The following FAM83E variants were observed in gnomAD, a reference collection of about 807,000 sequenced individuals.
FAM83E encodes the protein protein FAM83E.
In FAM83E, 29 loss-of-function variants were observed where a neutral mutation model predicts 34.3. The ratio of observed to expected loss-of-function variants is 0.85; its 90% confidence interval spans 0.63 to 1.15. FAM83E has a LOEUF of 1.15. Among genes scored for constraint, FAM83E ranks in the 50% most tolerant of loss-of-function variants. The pLI is 0.00. For missense variants in FAM83E, 697 were observed against 685.0 expected, an observed-to-expected ratio of 1.02 and a Z score of -0.20; for synonymous variants, 312 against 311.6, an observed-to-expected ratio of 1.00 and a Z score of -0.01.
At chr19:48,610,562 G>A in intron 4 of FAM83E, 118 bp downstream of exon 4, 1 of 1,248,498 alleles carries the variant, frequency 8.0e-7, no homozygotes, top group Non-Finnish European at 1.1e-6. Flanking sequence ...TCAGATCCCA[G>A]GGGACCATCC....
intron 5 of FAM83E, chr19:48,607,594 A>C: frequency 1.8e-6 from 1 of 551,408 alleles, no homozygotes; most frequent in African/African-American, 1.9e-5. Flanking sequence ...ACTGGTTCTA[A>C]GACGCAGAGC....
chr19:48,613,166 C>A lies in FAM83E; in HGVS notation c.207G>T (p.Ala69=). Residue 69 remains alanine, a synonymous_variant, in exon 3 of 7, where the codon GCG becomes GCT. Coordinates refer to ENST00000263266, the MANE Select transcript of FAM83E (RefSeq NM_017708.4). ...TGGCCACTGTCCAGTCTTCAGCTGC[C>A]GCTGCCAAGCCCTGAACCTCATCCG... ...LSADEVQGLA[A]AAEDWTVAKQ... The A allele has an allele frequency of 1.2e-6, 2 of 1,612,208 alleles. No individual in the cohort carries two copies. The highest frequency in any genetic ancestry group is 1.7e-6 in the Non-Finnish European group (2 of 1,179,918).
rs1973798657 is a variant in FAM83E, at chr19:48,600,906, G to T, written c.*203C>A. 3 of 1,178,740 alleles carry T rather than the reference G, an allele frequency of 2.5e-6. No homozygotes were observed. The highest frequency in any genetic ancestry group is 3.3e-6 in the Non-Finnish European group (3 of 900,026). The allele number at this position is 1,178,740 out of a possible 1,614,324, so 73.0% of individuals were successfully genotyped here. A position where few individuals can be genotyped will look rare whatever the true frequency, so the allele number is the denominator to read the frequency against. ...GGCCTTAAGCAACCCTCCCACCTTA[G>T]CCTCCCAAAGTGCAGGGATTACAGG... On this transcript the variant is annotated 3_prime_UTR_variant, in exon 7 of 7. Coordinates refer to ENST00000263266, the MANE Select transcript of FAM83E (RefSeq NM_017708.4).
At position 48,609,796 on chromosome 19, in the gene FAM83E, A is replaced by T. The variant is rs1256019564; in HGVS notation, c.758+80T>A. ...AGAAAAGAGAGGCCTGGGCAAGGGG[A>T]TGCCAGCTGTTCTCTGAGCACACTG... On this transcript the variant is annotated intron_variant, in intron 5 of 6. Coordinates refer to ENST00000263266, the MANE Select transcript of FAM83E (RefSeq NM_017708.4). 3.4e-6 allele frequency: 5 copies of T among 1,463,502 alleles called. No homozygotes were observed. The African/African-American group carries it at 6.9e-5, about 20-fold the overall frequency. The allele number at this position is 1,463,502 out of a possible 1,614,324, so 90.7% of individuals were successfully genotyped here.
In FAM83E at chr19:48,613,492, G is replaced by A. The variant is rs1204581961; in HGVS notation, c.-120C>T. 4.2e-6 allele frequency: 6 copies of A among 1,429,724 alleles called. No individual in the cohort carries two copies. Among genetic ancestry groups the A allele is most frequent in the Admixed American group, 2.9e-5 (1 of 35,084 alleles). The allele number at this position is 1,429,724 out of a possible 1,614,324, so 88.6% of individuals were successfully genotyped here. ...ATAGGCAGACCCTACGTGGCCATCC[G>A]AGGCCTCCGGCGGGGCCCTGCAGAT... On this transcript the variant is annotated 5_prime_UTR_variant, in exon 3 of 7. Transcript: ENST00000263266.
In FAM83E at chr19:48,609,957, C is replaced by T. The variant is rs760500566; in HGVS notation, c.677G>A (p.Arg226His). 11 of 1,612,960 alleles carry T rather than the reference C, an allele frequency of 6.8e-6. No individual in the cohort carries two copies. The highest frequency in any genetic ancestry group is 4.5e-5 in the East Asian group (2 of 44,876). The change falls in exon 5 of 7, where the codon CGC (arginine) becomes CAC (histidine). Residue 226 changes from arginine to histidine, a missense_variant. Arg to His is a conservative substitution (Grantham distance 29, BLOSUM62 0). Transcript: ENST00000263266. Reference protein sequence around the residue: ...RVVRGCSFQSRWRRQVSGTVR... With the variant: ...RVVRGCSFQSHWRRQVSGTVR... ...GGTGCCGCTCACCTGCCGTCGCCAG[C>T]GGCTCTGGAAGCTGCAGCCCCGCAC...
intron 5 of FAM83E, chr19:48,606,909 A>C (rs1351539423): frequency 6.5e-7 from 1 of 1,546,998 alleles, no homozygotes; most frequent in African/African-American, 1.4e-5. Flanking sequence ...GAGGTCCTTC[A>C]TTCAGCGGTT....
chr19:48,603,762 C>T lies in FAM83E; in HGVS notation c.908G>A (p.Gly303Asp). The change falls in exon 6 of 7, where the codon GGT becomes GAT. Residue 303 changes from glycine to aspartate, a missense_variant. Transcript: ENST00000263266. ...CGGGCTGCGGCCCCGCTGCAGGCCA[C>T]CTATGACCGAGGGTTTCTGGGGGGG... ...PAPPQKPSVI[G>D]GLQRGRSPHR... 1 of 1,582,090 alleles carries T rather than the reference C, an allele frequency of 6.3e-7. No homozygotes were observed. Among genetic ancestry groups the T allele is most frequent in the Non-Finnish European group, 8.6e-7 (1 of 1,167,308 alleles).
Position 48,601,158 on chromosome 19 carries a change from A to T in FAM83E, c.1388T>A (p.Val463Asp), listed in dbSNP as rs1368611301. 3 of 1,613,162 alleles carry T rather than the reference A, an allele frequency of 1.9e-6. No individual in the cohort carries two copies. Among genetic ancestry groups the T allele is most frequent in the Non-Finnish European group, 2.5e-6 (3 of 1,179,804 alleles). ...CCGGGGGGCCCAGTCTGACGGCCTG[A>T]CGCCTCTGGGCTCTTGAAGTTTGAA... ...ATFKLQEPRG[V>D]RPSDWAPRAG... Residue 463 changes from valine to aspartate, a missense_variant, in exon 7 of 7, where the codon GTC (valine) becomes GAC (aspartate). Val to Asp is a radical substitution (Grantham distance 152, BLOSUM62 -3). Coordinates refer to ENST00000263266, the MANE Select transcript of FAM83E (RefSeq NM_017708.4).
At chr19:48,607,065 C>T (rs547283981) in intron 5 of FAM83E, 64 of 1,613,052 alleles carry the variant, frequency 4.0e-5, no homozygotes, top group Middle Eastern at 1.6e-4. Context: ...GTGAGCTCAC[C>T]GACTCCATGC....
chr19:48,613,418 C>G lies in FAM83E; in HGVS notation c.-46G>C. 2 of 1,471,354 alleles carry G rather than the reference C, an allele frequency of 1.4e-6. No homozygotes were observed. The highest frequency in any genetic ancestry group is 1.8e-6 in the Non-Finnish European group (2 of 1,112,426). 91.1% of individuals were successfully genotyped at this position (1,471,354 alleles called of 1,614,324 possible). On this transcript the variant is annotated 5_prime_UTR_variant, in exon 3 of 7. Transcript: ENST00000263266. ...GACTGACTGTGAGAGGCTGGGTCCC[C>G]GGGGGTCTGGCTGTCTCTGGGGACT...
chr19:48,612,170 G>T (rs1347687765), intron 3 of FAM83E, among the ~76,000 whole-genome samples: 1 of 152,180 alleles, frequency 6.6e-6, no homozygotes, highest in Non-Finnish European at 1.5e-5. Context: ...ATTAGTCCCT[G>T]AGAAACCCTT....
rs537095726 is a variant in FAM83E, at chr19:48,601,276, G to C, written c.1270C>G (p.Arg424Gly). Reference protein sequence around the residue: ...GGGPWGEVDSRPPWGGALPLP... With the variant: ...GGGPWGEVDSGPPWGGALPLP... ...GGCAGGGCACCGCCCCACGGAGGTC[G>C]GGAGTCCACTTCCCCCCAGGGGCCT... Residue 424 changes from arginine (R) to glycine (G), a missense_variant, in exon 7 of 7, where the codon CGA becomes GGA. Arg to Gly is a moderately radical substitution (Grantham distance 125, BLOSUM62 -2). Coordinates refer to ENST00000263266, the MANE Select transcript of FAM83E (RefSeq NM_017708.4). 316 of 1,588,516 alleles carry C rather than the reference G, an allele frequency of 2.0e-4. 1 individual carries two copies. Among genetic ancestry groups the C allele is most frequent in the Non-Finnish European group, 2.7e-4 (310 of 1,167,150 alleles).
rs1007991220 is a variant in FAM83E, at chr19:48,600,010, G to C, written c.*1099C>G. 6.6e-6 allele frequency among the ~76,000 whole-genome samples: 1 copy of C among 152,132 alleles called. No individual in the cohort carries two copies. Among genetic ancestry groups the C allele is most frequent in the Non-Finnish European group, 1.5e-5 (1 of 68,018 alleles). ...CCGAGCAGAGGTAAACGGGAGCTCC[G>C]GCAGACCCGCCCTCTCAGCGCCCAC... On this transcript the variant is annotated 3_prime_UTR_variant, in exon 7 of 7. Coordinates refer to ENST00000263266, the MANE Select transcript of FAM83E (RefSeq NM_017708.4).
Position 48,609,971 on chromosome 19 carries a change from G to A in FAM83E, c.663C>T (p.Cys221=), listed in dbSNP as rs1228064542. Residue 221 remains cysteine, a synonymous_variant, in exon 5 of 7, where the codon TGC becomes TGT. Coordinates refer to ENST00000263266, the MANE Select transcript of FAM83E (RefSeq NM_017708.4). Reference sequence around the variant, plus strand: ...GCCGTCGCCAGCGGCTCTGGAAGCTGCAGCCCCGCACGACACGGACATCCA... The same window carrying A: ...GCCGTCGCCAGCGGCTCTGGAAGCTACAGCCCCGCACGACACGGACATCCA... ...ENVDVRVVRG[C]SFQSRWRRQV... 2.5e-6 allele frequency: 4 copies of A among 1,612,808 alleles called. No individual in the cohort carries two copies. Among genetic ancestry groups the A allele is most frequent in the Admixed American group, 1.7e-5 (1 of 60,008 alleles).
intron 5 of FAM83E, 95 bp downstream of exon 5, chr19:48,609,781 G>C: frequency 2.2e-6 from 3 of 1,373,684 alleles, no homozygotes; most frequent in Non-Finnish European, 3.0e-6. Flanking sequence ...AGAAAAGAGA[G>C]GCCTGGGCAA....
chr19:48,600,892 A>G lies in FAM83E; in HGVS notation c.*217T>C. The stretch of plus-strand genomic sequence containing the variant: ...GGTCTCCAACTCCTGGCCTTAAGCA[A>G]CCCTCCCACCTTAGCCTCCCAAAGT... On this transcript the variant is annotated 3_prime_UTR_variant, in exon 7 of 7. Transcript: ENST00000263266. The G allele has an allele frequency of 9.7e-7, 1 of 1,026,188 alleles. No homozygotes were observed. The allele number at this position is 1,026,188 out of a possible 1,614,324, so 63.6% of individuals were successfully genotyped here. A position where few individuals can be genotyped will look rare whatever the true frequency, so the allele number is the denominator to read the frequency against.
chr19:48,607,423 C>T, intron 5 of FAM83E: 1 of 1,493,650 alleles, frequency 6.7e-7, no homozygotes, highest in Non-Finnish European at 9.0e-7. Flanking sequence ...ATGTCCTTCC[C>T]CCACTAAATG....
chr19:48,606,385 T>C (rs1973929094), intron 5 of FAM83E, among the ~76,000 whole-genome samples: 1 of 152,190 alleles, frequency 6.6e-6, no homozygotes, highest in East Asian at 1.9e-4. Flanking sequence ...TACACCCTCT[T>C]CTTTCCCAGC....
Sources: gnomAD v4.1 joint callset for allele counts (sites outside exome capture counted in the v4.1 genomes callset) on GRCh38, gnomAD v4.1.1 for gene constraint, MANE v1.5 for transcripts, NCBI Gene and HGNC (gene_info 2026-07-23, HGNC 2026-07-21) for gene names.